HMCN1: variants seen among roughly 807,000 people sequenced by gnomAD.
HMCN1 encodes the protein hemicentin-1.
In HMCN1, 321 loss-of-function variants were observed where a neutral mutation model predicts 625.9. The ratio of observed to expected loss-of-function variants is 0.51; its 90% confidence interval spans 0.47 to 0.56. HMCN1 has a LOEUF of 0.56. Among genes scored for constraint, HMCN1 ranks in the 20% least tolerant of loss-of-function variants. The probability of loss-of-function intolerance (pLI) is 0.00; values close to 1 mark genes in which losing one functional copy is unlikely to be tolerated. For missense variants in HMCN1, 6,588 were observed against 6,887.3 expected, an observed-to-expected ratio of 0.96 and a Z score of 1.54; for synonymous variants, 2,425 against 2,417.6, an observed-to-expected ratio of 1.00 and a Z score of -0.09.
chr1:186,106,939 A>G lies in HMCN1; in HGVS notation c.10826A>G (p.Asp3609Gly). The G allele has an allele frequency of 6.2e-7, 1 of 1,611,986 alleles. No individual in the cohort carries two copies. The highest frequency in any genetic ancestry group is 8.5e-7 in the Non-Finnish European group (1 of 1,178,052). ...CLASSPAGDD[D>G]KEYLVRVHVP... ...GCATCCAGTCCTGCAGGAGATGATGATAAGGAATATCTAGTGAGAGTGCAT... is the reference window on the plus strand; with the variant it reads ...GCATCCAGTCCTGCAGGAGATGATGGTAAGGAATATCTAGTGAGAGTGCAT... The change falls in exon 70 of 107, where the codon GAT becomes GGT. Residue 3609 changes from aspartate to glycine, a missense_variant. By Grantham distance (94) the Asp-to-Gly change is moderately conservative. This residue lies in a region of HMCN1 where 4,628 missense variants were observed against 4,853.1 expected (regional missense o/e 0.95). Transcript: ENST00000271588.
chr1:186,186,992 TCTCACACACACACACA>T (rs1415759827), intron 105 of HMCN1, among the ~76,000 whole-genome samples: 5 of 95,432 alleles, frequency 5.2e-5, no homozygotes, highest in East Asian at 4.0e-4. Flanking sequence ...TCTGTCTCTG[TCTCACACACACACACA>T]CACACACACA....
intron 97 of HMCN1, among the ~76,000 whole-genome samples, chr1:186,161,792 TGTTA>T: frequency 6.6e-6 from 1 of 152,350 alleles, no homozygotes; most frequent in South Asian, 2.1e-4. Flanking sequence ...AGAGATCCGC[TGTTA>T]GTCTGATGGG....
intron 6 of HMCN1, among the ~76,000 whole-genome samples, chr1:185,917,527 A>G (rs1300168015): frequency 6.6e-6 from 1 of 152,220 alleles, no homozygotes; most frequent in Non-Finnish European, 1.5e-5. Flanking sequence ...AGCATAATGC[A>G]TCTAGAAACA....
intron 1 of HMCN1, among the ~76,000 whole-genome samples, chr1:185,838,264 G>C (rs1252894258): frequency 6.6e-6 from 1 of 152,058 alleles, no homozygotes; most frequent in Non-Finnish European, 1.5e-5. Context: ...ACAGACAGGC[G>C]ACCCCCAGGG....
chr1:186,099,318 T>C (rs749697572), intron 68 of HMCN1, among the ~76,000 whole-genome samples: 87 of 151,984 alleles, frequency 5.7e-4, no homozygotes, highest in Non-Finnish European at 1.1e-3. Context: ...AAAGAAAAAC[T>C]GTGTGTCTGG....
intron 83 of HMCN1, among the ~76,000 whole-genome samples, chr1:186,129,284 T>C (rs529970814): frequency 1.3e-5 from 2 of 151,602 alleles, no homozygotes; most frequent in African/African-American, 2.4e-5. Flanking sequence ...GAATTTTATT[T>C]AGTCTTAGTT....
At chr1:186,091,460 A>C (rs1659839113) in intron 64 of HMCN1, among the ~76,000 whole-genome samples, 1 of 151,982 alleles carries the variant, frequency 6.6e-6, no homozygotes, top group Admixed American at 6.6e-5. Flanking sequence ...TACCCATGCA[A>C]CAAACCACAT....
In HMCN1 at chr1:185,982,273, A is replaced by G; in HGVS notation, c.2674A>G (p.Ile892Val). 4 of 1,613,772 alleles carry G rather than the reference A, an allele frequency of 2.5e-6. No homozygotes were observed. The highest frequency in any genetic ancestry group is 3.4e-6 in the Non-Finnish European group (4 of 1,179,826). ...VTVTGLVAPLIGISPSVANVI... is the reference protein window; with the variant it reads ...VTVTGLVAPLVGISPSVANVI... ...CTCTCTTGATTTAGTTGCTCCACTT[A>G]TTGGAATCAGCCCTTCAGTGGCCAA... The change falls in exon 18 of 107, where the codon ATT becomes GTT. Residue 892 changes from isoleucine (I) to valine (V), a missense_variant. Physicochemically the swap from Ile to Val is conservative, Grantham distance 29 (BLOSUM62 3). Transcript: ENST00000271588.
rs1661330058 is a variant in HMCN1 at position 186,120,080 on chromosome 1, C to T, written c.12164C>T (p.Thr4055Ile). ...ISRAVREDAGTYMCVAQNPAG... is the reference protein window; with the variant it reads ...ISRAVREDAGIYMCVAQNPAG... ...AGAGCTGTCCGAGAGGATGCTGGCA[C>T]TTACATGTGTGTGGCCCAGAACCCG... Residue 4055 changes from threonine to isoleucine, a missense_variant, in exon 80 of 107, where the codon ACT becomes ATT. By Grantham distance (89) the Thr-to-Ile change is moderately conservative. This residue lies in a region of HMCN1 where 1,954 missense variants were observed against 2,013.1 expected (regional missense o/e 0.97). Coordinates refer to ENST00000271588, the MANE Select transcript of HMCN1 (RefSeq NM_031935.3). The T allele has an allele frequency of 4.3e-6, 7 of 1,613,924 alleles. No individual in the cohort carries two copies. The highest frequency in any genetic ancestry group is 5.9e-6 in the Non-Finnish European group (7 of 1,179,988).
intron 51 of HMCN1, 63 bp downstream of exon 51, chr1:186,069,839 G>GT (rs1658376495): frequency 1.2e-5 from 12 of 1,021,792 alleles, no homozygotes; most frequent in Non-Finnish European, 1.7e-5. Flanking sequence ...TTTCAATCCT[G>GT]TTTTTCATTA....
chr1:186,057,205 T>C lies in HMCN1; in HGVS notation c.7145-29T>C, dbSNP rs371463643. On this transcript the variant is annotated intron_variant, in intron 45 of 106. Coordinates refer to ENST00000271588, the MANE Select transcript of HMCN1 (RefSeq NM_031935.3). Reference sequence around the variant, plus strand: ...GTATATCAGGCAACTAATATTTCCATTCCCTGTTTGTTTTATTTTGTCTTA... The same window carrying C: ...GTATATCAGGCAACTAATATTTCCACTCCCTGTTTGTTTTATTTTGTCTTA... 5.1e-5 allele frequency: 81 copies of C among 1,588,312 alleles called. 1 individual carries two copies. In the African/African-American group the frequency reaches 9.6e-4, roughly 19 times the overall value.
At chr1:186,152,616 C>A in intron 95 of HMCN1, 134 bp from the exon 96 acceptor site, 1 of 1,015,610 alleles carries the variant, frequency 9.8e-7, no homozygotes, top group Non-Finnish European at 1.5e-6. Flanking sequence ...AGTGCTATTT[C>A]AGTTCTCATC....
intron 1 of HMCN1, among the ~76,000 whole-genome samples, chr1:185,754,890 T>C (rs1655038626): frequency 6.6e-6 from 1 of 152,068 alleles, no homozygotes; most frequent in Non-Finnish European, 1.5e-5. Flanking sequence ...GTTAAGAACA[T>C]AGGTCATGGA....
intron 51 of HMCN1, 45 bp from the exon 52 acceptor site, chr1:186,070,567 T>G (rs112182592): frequency 1.3e-6 from 2 of 1,527,836 alleles, no homozygotes. Context: ...ATTCCATGTA[T>G]TGAAAATAAC....
In HMCN1 at chr1:186,045,706, G is replaced by T. The variant is rs759697306; in HGVS notation, c.6323G>T (p.Gly2108Val). The change falls in exon 41 of 107, where the codon GGA becomes GTA. Residue 2108 changes from glycine to valine, a missense_variant. Physicochemically the swap from Gly to Val is moderately radical, Grantham distance 109 (BLOSUM62 -3). Around this residue, in one of 3 missense-constraint regions of HMCN1, gnomAD observed 4,628 missense variants for 4,853.1 expected, o/e 0.95. Transcript: ENST00000271588. ...CATGTAGTTCCGCCAAATATTATGG[G>T]AGAAGAACAGAATGTCTCTGTCCTC... ...LRVYVPPNIM[G>V]EEQNVSVLIS... 1.4e-5 allele frequency: 22 copies of T among 1,613,210 alleles called. No homozygotes were observed. Among genetic ancestry groups the T allele is most frequent in the Non-Finnish European group, 1.7e-5 (20 of 1,179,466 alleles).
chr1:185,923,337 A>G (rs1472510006), intron 7 of HMCN1, 53 bp from the exon 8 acceptor site: 8 of 1,366,990 alleles, frequency 5.9e-6, no homozygotes, highest in African/African-American at 1.4e-5. Flanking sequence ...TATTTGATAT[A>G]TAACTTCAAT....
intron 82 of HMCN1, among the ~76,000 whole-genome samples, chr1:186,126,636 C>T (rs976935270): frequency 6.6e-6 from 1 of 151,798 alleles, no homozygotes; most frequent in Non-Finnish European, 1.5e-5. Context: ...GGGGGAAAAA[C>T]AAAAATAGGT....
chr1:185,798,181 A>G (rs922606461), intron 1 of HMCN1, among the ~76,000 whole-genome samples: 19 of 152,256 alleles, frequency 1.2e-4, no homozygotes, highest in Middle Eastern at 3.4e-3. Context: ...AGCAGAATGC[A>G]ACATTCATGG....
chr1:186,072,795 A>C (rs1488978161), intron 52 of HMCN1, among the ~76,000 whole-genome samples: 1 of 152,240 alleles, frequency 6.6e-6, no homozygotes, highest in African/African-American at 2.4e-5. Context: ...AAATGTGAGC[A>C]GAAGACTAAT....
Sources: allele counts gnomAD v4.1 joint callset (sites outside exome capture counted in the v4.1 genomes callset), GRCh38; gene constraint gnomAD v4.1.1; regional missense constraint gnomAD v4.1.1; transcripts MANE v1.5; gene names NCBI Gene and HGNC (gene_info 2026-07-23, HGNC 2026-07-21).